The following ROBO2 variants were observed in gnomAD, a reference collection of about 807,000 sequenced individuals.
ROBO2 encodes roundabout homolog 2.
In ROBO2, 53 loss-of-function variants were observed where a neutral mutation model predicts 160.8. That is an observed-to-expected ratio of 0.33 (90% CI 0.26 to 0.41). The LOEUF is 0.41. Ranked by LOEUF, ROBO2 falls within the 10% of genes least tolerant of loss-of-function variation. The pLI is 1.00. For synonymous variants in ROBO2, 664 were observed against 611.7 expected, an observed-to-expected ratio of 1.09 and a Z score of -1.26; for missense variants, 1,577 against 1,722.4, an observed-to-expected ratio of 0.92 and a Z score of 1.49.
chr3:77,126,779 CTTCTTTTT>C, intron 2 of ROBO2, among the ~76,000 whole-genome samples: 1 of 119,866 alleles, frequency 8.3e-6, no homozygotes, highest in African/African-American at 3.1e-5. Flanking sequence ...GATTTTGAAA[CTTCTTTTT>C]TTTTTTTTTT....
chr3:77,513,046 A>C (rs1347357430), intron 5 of ROBO2, among the ~76,000 whole-genome samples: 1 of 151,924 alleles, frequency 6.6e-6, no homozygotes, highest in Admixed American at 6.6e-5. Flanking sequence ...TCCAAGAAAA[A>C]CAAAGGTGCT....
chr3:77,623,759 G>A (rs1583346956), intron 23 of ROBO2, among the ~76,000 whole-genome samples: 1 of 151,954 alleles, frequency 6.6e-6, no homozygotes, highest in East Asian at 1.9e-4. Context: ...TCTCCTTCAG[G>A]GTAAAATTCT....
chr3:77,438,665 G>A (rs2079585513), intron 2 of ROBO2, among the ~76,000 whole-genome samples: 1 of 151,666 alleles, frequency 6.6e-6, no homozygotes, highest in Admixed American at 6.6e-5. Context: ...TTATATATGT[G>A]CTTACTAGTC....
At chr3:75,972,197 A>G (rs546405675) in intron 2 of ROBO2, among the ~76,000 whole-genome samples, 1 of 151,840 alleles carries the variant, frequency 6.6e-6, no homozygotes, top group Admixed American at 6.6e-5. Context: ...AATATTATTA[A>G]GACAAGCACT....
intron 2 of ROBO2, among the ~76,000 whole-genome samples, chr3:76,163,136 C>T (rs191011568): frequency 2.0e-5 from 3 of 152,100 alleles, no homozygotes; most frequent in South Asian, 2.1e-4. Context: ...TCATGTTTAT[C>T]ATTGTTTGTT....
intron 2 of ROBO2, among the ~76,000 whole-genome samples, chr3:77,290,068 G>A (rs2061000588): frequency 6.6e-6 from 1 of 150,728 alleles, no homozygotes; most frequent in East Asian, 2.0e-4. Context: ...GATCACCAAA[G>A]ACATAAAGTA....
At chr3:76,583,477 T>C (rs1578316288) in intron 2 of ROBO2, among the ~76,000 whole-genome samples, 2 of 152,334 alleles carry the variant, frequency 1.3e-5, no homozygotes, top group East Asian at 3.9e-4. Context: ...CAGTGGCTAC[T>C]TCTTGGGTGT....
chr3:76,616,257 G>A (rs541198852), intron 2 of ROBO2, among the ~76,000 whole-genome samples: 1 of 152,160 alleles, frequency 6.6e-6, no homozygotes, highest in South Asian at 2.1e-4. Context: ...CTTATTCTTT[G>A]TATAAACTAT....
chr3:77,134,243 T>G (rs1186451964), intron 2 of ROBO2, among the ~76,000 whole-genome samples: 3 of 152,180 alleles, frequency 2.0e-5, no homozygotes, highest in African/African-American at 7.2e-5. Flanking sequence ...GCTTAAAAGC[T>G]ATTTCCACAG....
At chr3:77,031,785 A>G (rs1360115596) in intron 2 of ROBO2, among the ~76,000 whole-genome samples, 1 of 150,616 alleles carries the variant, frequency 6.6e-6, no homozygotes, top group Non-Finnish European at 1.5e-5. Flanking sequence ...ATGGGGAGGT[A>G]TTAGGCAGAA....
At chr3:76,229,751 A>C (rs991144505) in intron 2 of ROBO2, among the ~76,000 whole-genome samples, 9 of 152,186 alleles carry the variant, frequency 5.9e-5, no homozygotes, top group Non-Finnish European at 1.3e-4. Context: ...AAGCAGTAGA[A>C]TAATATTCTA....
intron 2 of ROBO2, among the ~76,000 whole-genome samples, chr3:76,992,094 T>C (rs1235499694): frequency 6.6e-6 from 1 of 151,858 alleles, no homozygotes; most frequent in Non-Finnish European, 1.5e-5. Flanking sequence ...CCAAGAAAAT[T>C]TACTATCCTG....
chr3:76,434,116 C>T, intron 2 of ROBO2: 1 of 1,239,850 alleles, frequency 8.1e-7, no homozygotes, highest in East Asian at 2.3e-5. Flanking sequence ...GGTATGGAGA[C>T]AGCTCCATAT....
At chr3:76,023,487 T>A (rs982749119) in intron 2 of ROBO2, among the ~76,000 whole-genome samples, 8 of 151,594 alleles carry the variant, frequency 5.3e-5, no homozygotes. Flanking sequence ...TCTCAGCGAA[T>A]AGTGAGGCTT....
intron 2 of ROBO2, among the ~76,000 whole-genome samples, chr3:76,019,681 C>T (rs2066513984): frequency 1.3e-5 from 2 of 151,564 alleles, no homozygotes. Context: ...TTGGAATTGT[C>T]TAATATTTTC....
intron 2 of ROBO2, among the ~76,000 whole-genome samples, chr3:76,906,603 T>C (rs2075623239): frequency 6.6e-6 from 1 of 152,048 alleles, no homozygotes; most frequent in South Asian, 2.1e-4. Context: ...ATAGATGCTG[T>C]TGTTGTTATC....
intron 2 of ROBO2, among the ~76,000 whole-genome samples, chr3:76,787,311 C>T (rs1232261814): frequency 7.7e-5 from 11 of 142,042 alleles, no homozygotes. Context: ...TTTTTCCAGT[C>T]ATTAAATGTA....
chr3:77,000,584 T>G (rs2149415772), intron 2 of ROBO2, among the ~76,000 whole-genome samples: 2 of 152,294 alleles, frequency 1.3e-5, no homozygotes, highest in South Asian at 4.1e-4. Flanking sequence ...TTCATGACTT[T>G]TTTTCTAAGC....
chr3:76,286,897 T>C (rs149560707), intron 2 of ROBO2, among the ~76,000 whole-genome samples: 1 of 152,164 alleles, frequency 6.6e-6, no homozygotes, highest in South Asian at 2.1e-4. Flanking sequence ...AGGAATCTTG[T>C]GTTTCTCTAC....
Sources: allele counts gnomAD v4.1 joint callset (sites outside exome capture counted in the v4.1 genomes callset), GRCh38; gene constraint gnomAD v4.1.1; transcripts MANE v1.5; gene names NCBI Gene and HGNC (gene_info 2026-07-23, HGNC 2026-07-21).